Variants in ADAM22 observed in about 807,000 individuals in gnomAD.
ADAM22 encodes the protein ADAM metallopeptidase domain 22.
Under a neutral mutation model 144.6 loss-of-function variants are expected in ADAM22, and 65 were observed. The ratio of observed to expected loss-of-function variants is 0.45; its 90% CI spans 0.37 to 0.55. The LOEUF is 0.55. ADAM22 is among the 20% of genes least tolerant of loss of function. ADAM22 has a pLI of 0.00. For synonymous variants in ADAM22, 391 were observed against 412.6 expected, an observed-to-expected ratio of 0.95 and a Z score of 0.63; for missense variants, 974 against 1,184.9, an observed-to-expected ratio of 0.82 and a Z score of 2.61.
Position 88,149,034 on chromosome 7 carries a change from A to G in ADAM22, c.1543A>G (p.Thr515Ala). 6.2e-7 allele frequency: 1 copy of G among 1,612,374 alleles called. No homozygotes were observed. Among genetic ancestry groups the G allele is most frequent in the South Asian group, 1.1e-5 (1 of 90,982 alleles). ...EAVNDCDIRE[T>A]CSGNSSQCAP... ...AGTAAATGATTGTGATATTCGTGAA[A>G]CGTGCTCAGGAAATTCAAGCCAGGT... Residue 515 changes from threonine to alanine, a missense_variant, in exon 18 of 32, where the codon ACG (threonine) becomes GCG (alanine). By Grantham distance (58) the Thr-to-Ala change is moderately conservative. Transcript: ENST00000413139.
intron 23 of ADAM22, 91 bp downstream of exon 23, chr7:88,163,271 A>G (rs935233653): frequency 9.0e-7 from 1 of 1,115,902 alleles, no homozygotes; most frequent in Non-Finnish European, 1.2e-6. Flanking sequence ...AATTATGGAA[A>G]AAAATGATTT....
intron 12 of ADAM22, 25 bp from the exon 13 acceptor site, chr7:88,134,304 T>C (rs764050355): frequency 6.4e-7 from 1 of 1,553,960 alleles, no homozygotes; most frequent in Non-Finnish European, 8.8e-7. Flanking sequence ...TTTACATATA[T>C]TTTATTTTTG....
intron 3 of ADAM22, among the ~76,000 whole-genome samples, chr7:87,992,580 A>G (rs1405517167): frequency 6.6e-6 from 1 of 152,228 alleles, no homozygotes; most frequent in East Asian, 1.9e-4. Flanking sequence ...GGTTTTGATT[A>G]TCAAAATAAT....
At chr7:88,195,640 C>A (rs998464661) in intron 31 of ADAM22, among the ~76,000 whole-genome samples, 71 of 152,168 alleles carry the variant, frequency 4.7e-4, no homozygotes, top group African/African-American at 1.6e-3. Flanking sequence ...CTCAGCCTCC[C>A]GAGTAGCTGG....
rs573494633 is a variant in ADAM22 at position 87,964,960 on chromosome 7, C to G, written c.247-13376C>G. Among the ~76,000 whole-genome samples, 4 of 152,298 alleles carry G rather than the reference C, an allele frequency of 2.6e-5. No individual in the cohort carries two copies. In the East Asian group the frequency reaches 7.7e-4, roughly 29 times the overall value. ...CTACATGGTTTTAAGACATGGTTTT[C>G]TCAGAGAGGGCTGGTAGTCTGTTTT... On this transcript the variant is annotated intron_variant, in intron 2 of 31. Coordinates refer to ENST00000413139, the MANE Select transcript of ADAM22 (RefSeq NM_001324418.2).
At chr7:87,990,234 G>T (rs531377459) in intron 3 of ADAM22, among the ~76,000 whole-genome samples, 3 of 152,206 alleles carry the variant, frequency 2.0e-5, no homozygotes, top group African/African-American at 7.2e-5. Context: ...GAGCATAAAA[G>T]AGGTATGGCC....
chr7:88,020,648 C>T (rs1485958413), intron 3 of ADAM22, among the ~76,000 whole-genome samples: 1 of 152,198 alleles, frequency 6.6e-6, no homozygotes, highest in Non-Finnish European at 1.5e-5. Context: ...CCTTTGACCT[C>T]TTCCACTGCA....
chr7:88,009,249 C>T (rs1794774668), intron 3 of ADAM22, among the ~76,000 whole-genome samples: 1 of 152,106 alleles, frequency 6.6e-6, no homozygotes. Context: ...TTTGCATTAG[C>T]TTCATTGATG....
intron 3 of ADAM22, among the ~76,000 whole-genome samples, chr7:88,006,531 C>T (rs1388124387): frequency 2.0e-5 from 3 of 151,866 alleles, no homozygotes; most frequent in Admixed American, 6.6e-5. Context: ...AATCCAGCAA[C>T]ACATCAAAAA....
At position 88,159,569 on chromosome 7, in the gene ADAM22, G is replaced by T. The variant is rs951048120; in HGVS notation, c.1908-3443G>T. On this transcript the variant is annotated intron_variant, in intron 22 of 31. Coordinates refer to ENST00000413139, the MANE Select transcript of ADAM22 (RefSeq NM_001324418.2). ...AAATCATATCCACCATAATCAGGTA[G>T]GCTTTGTTCCCGGGTTCCAAGTTTG... is the stretch of plus-strand genomic sequence containing the variant. 3.9e-5 allele frequency among the ~76,000 whole-genome samples: 6 copies of T among 152,094 alleles called. 1 individual carries two copies. In the South Asian group the frequency reaches 1.2e-3, roughly 32 times the overall value.
At chr7:88,126,017 G>T (rs547491981) in intron 8 of ADAM22, among the ~76,000 whole-genome samples, 1 of 151,892 alleles carries the variant, frequency 6.6e-6, no homozygotes, top group Non-Finnish European at 1.5e-5. Context: ...TTATTCCCTG[G>T]AAGATAACCC....
Position 88,201,392 on chromosome 7 carries a change from G to A in ADAM22, c.*4901G>A, listed in dbSNP as rs1226638096. 5 of 152,188 alleles carry A rather than the reference G, an allele frequency of 3.3e-5. No homozygotes were observed. The highest frequency in any genetic ancestry group is 1.2e-4 in the African/African-American group (5 of 41,402). 9.4% of individuals were successfully genotyped at this position (152,188 alleles called of 1,614,324 possible). ...AGGAGATAAGAAGCAGAGAACTTTG[G>A]GAGACCATGGGGCATTTAGTCCTGG... On this transcript the variant is annotated 3_prime_UTR_variant, in exon 32 of 32. Coordinates refer to ENST00000413139, the MANE Select transcript of ADAM22 (RefSeq NM_001324418.2).
In ADAM22 at chr7:88,196,255, G is replaced by T. The variant is rs181872101; in HGVS notation, c.2875-216G>T. Among the ~76,000 whole-genome samples the T allele has an allele frequency of 9.2e-5, 14 of 152,294 alleles. No homozygotes were observed. In the East Asian group the frequency reaches 2.7e-3, roughly 29 times the overall value. On this transcript the variant is annotated intron_variant, in intron 31 of 31. Coordinates refer to ENST00000413139, the MANE Select transcript of ADAM22 (RefSeq NM_001324418.2). ...GGATGTGATGGTTTTTGTATCAAAAGATGGCTGCTGTTAAAAAGGTTGAGA... is the reference window on the plus strand; with the variant it reads ...GGATGTGATGGTTTTTGTATCAAAATATGGCTGCTGTTAAAAAGGTTGAGA...
chr7:88,171,432 A>C, intron 25 of ADAM22, 112 bp from the exon 26 acceptor site: 1 of 928,680 alleles, frequency 1.1e-6, no homozygotes, highest in Non-Finnish European at 1.6e-6. Flanking sequence ...TCCTCTAGTG[A>C]AGACTTTTCA....
At chr7:88,001,699 A>C (rs960878750) in intron 3 of ADAM22, among the ~76,000 whole-genome samples, 1 of 151,932 alleles carries the variant, frequency 6.6e-6, no homozygotes, top group Non-Finnish European at 1.5e-5. Flanking sequence ...GTGTGCTGCC[A>C]CTTCATAACT....
chr7:87,991,811 C>T (rs1789971272), intron 3 of ADAM22, among the ~76,000 whole-genome samples: 3 of 152,104 alleles, frequency 2.0e-5, no homozygotes, highest in Admixed American at 2.0e-4. Context: ...TTTTAGAATG[C>T]CATGGTAGTT....
chr7:88,122,503 C>T, intron 7 of ADAM22, among the ~76,000 whole-genome samples: 1 of 152,092 alleles, frequency 6.6e-6, no homozygotes, highest in East Asian at 1.9e-4. Flanking sequence ...AATTCCTGTC[C>T]CTTTTACCTG....
intron 30 of ADAM22, among the ~76,000 whole-genome samples, chr7:88,190,979 C>T (rs1490777534): frequency 6.6e-6 from 1 of 151,816 alleles, no homozygotes; most frequent in Non-Finnish European, 1.5e-5. Context: ...TTGACTCCTG[C>T]TCTGGTGCTC....
intron 13 of ADAM22, among the ~76,000 whole-genome samples, chr7:88,135,531 C>T (rs1198270261): frequency 3.3e-5 from 5 of 152,078 alleles, no homozygotes. Flanking sequence ...TTCTGAAACC[C>T]TTCTGCCTAA....
Sources: allele counts gnomAD v4.1 joint callset (sites outside exome capture counted in the v4.1 genomes callset), GRCh38; gene constraint gnomAD v4.1.1; transcripts MANE v1.5; gene names NCBI Gene and HGNC (gene_info 2026-07-23, HGNC 2026-07-21).